Variants in NUMB observed in about 807,000 individuals in gnomAD.
NUMB encodes the protein NUMB endocytic adaptor protein.
Under a neutral mutation model 59.7 loss-of-function variants are expected in NUMB, and 29 were observed. The observed-to-expected ratio is 0.49, with a 90% CI of 0.36 to 0.66. The LOEUF (loss-of-function observed/expected upper bound fraction) is 0.66. NUMB is among the 30% of genes least tolerant of loss of function. NUMB has a pLI of 0.00. For synonymous variants in NUMB, 288 were observed against 288.2 expected, an observed-to-expected ratio of 1.00 and a Z score of 0.01; for missense variants, 723 against 822.0, an observed-to-expected ratio of 0.88 and a Z score of 1.47.
chr14:73,400,519 A>G (rs1896362726), intron 2 of NUMB, among the ~76,000 whole-genome samples: 1 of 152,192 alleles, frequency 6.6e-6, no homozygotes, highest in Non-Finnish European at 1.5e-5. Flanking sequence ...TATACCTCAT[A>G]AAACCATTGG....
At chr14:73,330,579 A>G in intron 4 of NUMB, among the ~76,000 whole-genome samples, 1 of 152,212 alleles carries the variant, frequency 6.6e-6, no homozygotes, top group East Asian at 1.9e-4. Flanking sequence ...ATCTTCTAAA[A>G]TGAGAATACA....
rs1594848316 is a variant in NUMB at position 73,275,547 on chromosome 14, TTA to T, written c.*1029_*1030del. 1 of 152,268 alleles carries T rather than the reference TTA, an allele frequency of 6.6e-6. No homozygotes were observed. Among genetic ancestry groups the T allele is most frequent in the East Asian group, 1.9e-4 (1 of 5,184 alleles). The allele number at this position is 152,268 out of a possible 1,614,324, so 9.4% of individuals were successfully genotyped here. A position where few individuals can be genotyped will look rare whatever the true frequency, so the allele number is the denominator to read the frequency against. ...ACCTGTGTTCCCTTCTATGGTATGA[TTA>T]TGTCATGTTACCTTAGTGTTAAAGG... On this transcript the variant is annotated 3_prime_UTR_variant, in exon 13 of 13. Coordinates refer to ENST00000555238, the MANE Select transcript of NUMB (RefSeq NM_001005743.2).
intron 1 of NUMB, among the ~76,000 whole-genome samples, chr14:73,423,734 C>A (rs535404634): frequency 6.6e-6 from 1 of 152,082 alleles, no homozygotes; most frequent in East Asian, 1.9e-4. Context: ...GGCTTGAATC[C>A]AGGAGGCAGA....
intron 11 of NUMB, among the ~76,000 whole-genome samples, chr14:73,280,854 C>T (rs781552958): frequency 3.3e-5 from 5 of 151,728 alleles, no homozygotes; most frequent in South Asian, 2.1e-4. Context: ...CCACCATGCC[C>T]GGCTAACTTT....
At chr14:73,330,627 A>ATAAG (rs1261076582) in intron 4 of NUMB, among the ~76,000 whole-genome samples, 2 of 152,206 alleles carry the variant, frequency 1.3e-5, no homozygotes, top group Non-Finnish European at 2.9e-5. Flanking sequence ...AAATGACTTA[A>ATAAG]TACCTACAAA....
At chr14:73,358,816 T>C (rs960230009) in intron 3 of NUMB, among the ~76,000 whole-genome samples, 3 of 152,156 alleles carry the variant, frequency 2.0e-5, no homozygotes, top group African/African-American at 7.2e-5. Flanking sequence ...TAGCATACTA[T>C]AAATTTGAAG....
At chr14:73,399,234 C>T (rs889080591) in intron 2 of NUMB, among the ~76,000 whole-genome samples, 2 of 152,156 alleles carry the variant, frequency 1.3e-5, no homozygotes, top group Non-Finnish European at 2.9e-5. Flanking sequence ...AAATAGTTGG[C>T]CCTCCACATC....
intron 2 of NUMB, among the ~76,000 whole-genome samples, chr14:73,403,226 C>T (rs115974279): frequency 9.9e-4 from 151 of 152,292 alleles, no homozygotes; most frequent in African/African-American, 3.4e-3. Flanking sequence ...AAAGGCCAAG[C>T]AAATCACAAA....
rs759209884 is a variant in NUMB at position 73,380,724 on chromosome 14, G to GTT, written c.-100-13745_-100-13744dup. On this transcript the variant is annotated intron_variant, in intron 2 of 12. Coordinates refer to ENST00000555238, the MANE Select transcript of NUMB (RefSeq NM_001005743.2). ...ACTGATTGGGCACATTCATCAATTA[G>GTT]TTTTTTTTTTTTTTTTTTGAGACAG... 7.5e-3 allele frequency among the ~76,000 whole-genome samples: 985 copies of GTT among 131,116 alleles called. 18 individuals carry two copies. Among genetic ancestry groups the GTT allele is most frequent in the East Asian group, 0.026 (118 of 4,556 alleles). 86.0% of individuals were successfully genotyped at this position (131,116 alleles called of 152,430 possible).
At chr14:73,319,567 A>T (rs1891284960) in intron 5 of NUMB, among the ~76,000 whole-genome samples, 1 of 151,822 alleles carries the variant, frequency 6.6e-6, no homozygotes, top group African/African-American at 2.4e-5. Context: ...TATAATCTAT[A>T]AAAAAAACAA....
chr14:73,287,100 CA>C lies in NUMB; in HGVS notation c.655+9del. On this transcript the variant is annotated intron_variant, in intron 9 of 12. Coordinates refer to ENST00000555238, the MANE Select transcript of NUMB (RefSeq NM_001005743.2). ...CATTCCATAAATACACACTGTAGAA[CA>C]GATTGTACCTTTCTTGGCATCTTGC... 6.2e-7 allele frequency: 1 copy of C among 1,612,686 alleles called. No individual in the cohort carries two copies. Among genetic ancestry groups the C allele is most frequent in the Non-Finnish European group, 8.5e-7 (1 of 1,178,786 alleles).
At chr14:73,415,157 C>A (rs530603248) in intron 1 of NUMB, among the ~76,000 whole-genome samples, 1 of 148,208 alleles carries the variant, frequency 6.7e-6, no homozygotes, top group South Asian at 2.2e-4. Context: ...CACTTCATTT[C>A]GTCATTGGTC....
At chr14:73,333,283 C>A (rs1233652256) in intron 4 of NUMB, among the ~76,000 whole-genome samples, 4 of 152,176 alleles carry the variant, frequency 2.6e-5, no homozygotes, top group Admixed American at 2.0e-4. Context: ...GCCAACCAAG[C>A]GAGTGTGAAG....
At chr14:73,312,990 CTTTT>C (rs563622527) in intron 6 of NUMB, among the ~76,000 whole-genome samples, 1 of 141,960 alleles carries the variant, frequency 7.0e-6, no homozygotes, top group African/African-American at 2.6e-5. Context: ...AGTGGTATGT[CTTTT>C]TTTTTTTTTT....
intron 4 of NUMB, among the ~76,000 whole-genome samples, chr14:73,348,030 C>T (rs1893005372): frequency 6.6e-6 from 1 of 152,154 alleles, no homozygotes; most frequent in African/African-American, 2.4e-5. Flanking sequence ...CTCATTTTCT[C>T]TACTCCCAAA....
chr14:73,276,470 G>T lies in NUMB; in HGVS notation c.*108C>A. ...TGGACTTGTTCCTTGGGACCTTTGG[G>T]ATTAGTGAAAAGAGTACTAATCAGG... On this transcript the variant is annotated 3_prime_UTR_variant, in exon 13 of 13. Coordinates refer to ENST00000555238, the MANE Select transcript of NUMB (RefSeq NM_001005743.2). The T allele has an allele frequency of 1.2e-6, 1 of 808,150 alleles. No homozygotes were observed. Among genetic ancestry groups the T allele is most frequent in the Non-Finnish European group, 1.9e-6 (1 of 514,474 alleles). 50.1% of individuals were successfully genotyped at this position (808,150 alleles called of 1,614,324 possible). A position where few individuals can be genotyped will look rare whatever the true frequency, so the allele number is the denominator to read the frequency against.
At chr14:73,372,305 TTATATATATATATATATATATA>T (rs3028704) in intron 2 of NUMB, among the ~76,000 whole-genome samples, 1 of 85,998 alleles carries the variant, frequency 1.2e-5, no homozygotes, top group Non-Finnish European at 2.2e-5. Context: ...TATATTTCTT[TTATATATATATATATATATATA>T]TATATATATA....
intron 1 of NUMB, among the ~76,000 whole-genome samples, chr14:73,452,219 G>T (rs1052507864): frequency 6.6e-6 from 1 of 152,160 alleles, no homozygotes; most frequent in Non-Finnish European, 1.5e-5. Context: ...AATTAGCGGG[G>T]TGTGGTAGTG....
intron 1 of NUMB, among the ~76,000 whole-genome samples, chr14:73,442,341 C>G (rs1049591436): frequency 8.5e-5 from 13 of 152,088 alleles, no homozygotes; most frequent in African/African-American, 3.1e-4. Context: ...CCACTGCACT[C>G]TGGACTGGGC....
Sources: allele counts gnomAD v4.1 joint callset (sites outside exome capture counted in the v4.1 genomes callset), GRCh38; gene constraint gnomAD v4.1.1; transcripts MANE v1.5; gene names NCBI Gene and HGNC (gene_info 2026-07-23, HGNC 2026-07-21).